ERICH3: variants seen among roughly 807,000 people sequenced by gnomAD.
ERICH3 encodes glutamate rich 3, also known as glutamate-rich protein 3.
Under a neutral mutation model 131.1 loss-of-function variants are expected in ERICH3, and 126 were observed. That is an observed-to-expected ratio of 0.96 (90% CI 0.83 to 1.11). The LOEUF (loss-of-function observed/expected upper bound fraction) is 1.11. Ranked by LOEUF, ERICH3 falls within the 50% of genes most tolerant of loss-of-function variation. The pLI, the probability that ERICH3 is intolerant of heterozygous loss-of-function variation, is 0.00. For synonymous variants in ERICH3, 695 were observed against 644.6 expected, an observed-to-expected ratio of 1.08 and a Z score of -1.18; for missense variants, 2,050 against 1,810.7, an observed-to-expected ratio of 1.13 and a Z score of -2.40.
chr1:74,612,510 G>T (rs1648743777), intron 9 of ERICH3, 113 bp downstream of exon 9: 4 of 873,578 alleles, frequency 4.6e-6, no homozygotes, highest in Admixed American at 6.4e-5. Context: ...GATATTGTAG[G>T]CCCATCTATA....
chr1:74,665,081 A>G (rs974206579), intron 1 of ERICH3, among the ~76,000 whole-genome samples: 1 of 152,110 alleles, frequency 6.6e-6, no homozygotes, highest in African/African-American at 2.4e-5. Flanking sequence ...AGGTGAAGGT[A>G]AAAACCCTCA....
chr1:74,641,186 T>C, intron 5 of ERICH3, 145 bp downstream of exon 5: 1 of 914,374 alleles, frequency 1.1e-6, no homozygotes. Flanking sequence ...AGAGACAGAG[T>C]TGAACAGATA....
At chr1:74,652,870 G>T (rs1488527264) in intron 1 of ERICH3, among the ~76,000 whole-genome samples, 1 of 152,058 alleles carries the variant, frequency 6.6e-6, no homozygotes, top group Non-Finnish European at 1.5e-5. Flanking sequence ...CCATCCCCTG[G>T]TCACTAGGTG....
chr1:74,631,044 C>T (rs1052106294), intron 7 of ERICH3, among the ~76,000 whole-genome samples: 7 of 152,068 alleles, frequency 4.6e-5, no homozygotes, highest in African/African-American at 1.7e-4. Context: ...AATCTATGTG[C>T]ATGCTGGCAC....
intron 1 of ERICH3, among the ~76,000 whole-genome samples, chr1:74,650,869 TA>T (rs1646527706): frequency 2.7e-5 from 4 of 146,826 alleles, no homozygotes; most frequent in Admixed American, 1.4e-4. Context: ...TGTGTGTGTG[TA>T]TACTTATATA....
intron 5 of ERICH3, among the ~76,000 whole-genome samples, chr1:74,640,782 T>C (rs1222213018): frequency 2.0e-5 from 3 of 152,116 alleles, no homozygotes; most frequent in Non-Finnish European, 4.4e-5. Context: ...TGCACAGACT[T>C]TTAATAAAAG....
intron 5 of ERICH3, among the ~76,000 whole-genome samples, chr1:74,638,527 A>ATATCCGAC (rs1646410898): frequency 6.6e-6 from 1 of 152,240 alleles, no homozygotes; most frequent in African/African-American, 2.4e-5. Flanking sequence ...ATAAATTTGA[A>ATATCCGAC]TATCCGACTG....
intron 12 of ERICH3, chr1:74,586,253 T>C: frequency 3.4e-6 from 1 of 294,614 alleles, no homozygotes; most frequent in Non-Finnish European, 5.0e-6. Context: ...CAAGATACAG[T>C]GTTAAGTGAA....
At chr1:74,605,724 A>G (rs1648354997) in intron 10 of ERICH3, among the ~76,000 whole-genome samples, 2 of 151,708 alleles carry the variant, frequency 1.3e-5, no homozygotes, top group South Asian at 2.1e-4. Flanking sequence ...ATGGCACCCC[A>G]AAACAATTGC....
rs202127316 is a variant in ERICH3, at chr1:74,573,278, G to C, written c.2432C>G (p.Ala811Gly). 2 of 1,597,772 alleles carry C rather than the reference G, an allele frequency of 1.3e-6. No individual in the cohort carries two copies. The highest frequency in any genetic ancestry group is 2.3e-5 in the South Asian group (2 of 87,832). Residue 811 changes from alanine (A) to glycine (G), a missense_variant, in exon 14 of 15, where the codon GCG (alanine) becomes GGG (glycine). Coordinates refer to ENST00000326665, the MANE Select transcript of ERICH3 (RefSeq NM_001002912.5). ...TGGCTGCTCTGCTGTTGGCTTCCAC[G>C]CCCTCAAGGGAGCCTCATGAACAGC... The part of the protein sequence containing the change: ...AGAVHEAPLR[A>G]WKPTAEQPEL...
At chr1:74,665,637 G>A (rs1020188610) in intron 1 of ERICH3, among the ~76,000 whole-genome samples, 2 of 152,278 alleles carry the variant, frequency 1.3e-5, no homozygotes, top group East Asian at 1.9e-4. Context: ...CATGAGAGAA[G>A]AGTCTGTTTC....
chr1:74,586,888 G>A (rs762091197), intron 12 of ERICH3, among the ~76,000 whole-genome samples: 6 of 152,046 alleles, frequency 3.9e-5, no homozygotes, highest in Non-Finnish European at 8.8e-5. Context: ...TAAAGAGCCC[G>A]ACCAAATGTT....
chr1:74,641,480 A>G lies in ERICH3; in HGVS notation c.316-21T>C, dbSNP rs761133911. The stretch of plus-strand genomic sequence containing the variant: ...TCTCCCTAGAATAAGAAAGCAATTT[A>G]GCAAATAGATGCATAGTTAGTAATC... On this transcript the variant is annotated intron_variant, in intron 4 of 14. Transcript: ENST00000326665. 5 of 1,607,702 alleles carry G rather than the reference A, an allele frequency of 3.1e-6. No individual in the cohort carries two copies. In the Admixed American group the frequency reaches 6.8e-5, roughly 22 times the overall value.
intron 13 of ERICH3, among the ~76,000 whole-genome samples, chr1:74,575,750 C>G (rs1647040691): frequency 6.6e-6 from 1 of 152,118 alleles, no homozygotes; most frequent in African/African-American, 2.4e-5. Context: ...ATAAAATTGC[C>G]TAGCCACCAT....
intron 11 of ERICH3, among the ~76,000 whole-genome samples, chr1:74,592,554 A>C (rs1022808977): frequency 2.6e-5 from 4 of 152,198 alleles, no homozygotes; most frequent in African/African-American, 9.6e-5. Context: ...TCCTACTTTT[A>C]GCTCTGAGAG....
intron 14 of ERICH3, 133 bp downstream of exon 14, chr1:74,570,966 A>C: frequency 1.6e-6 from 2 of 1,221,128 alleles, no homozygotes; most frequent in Non-Finnish European, 2.2e-6. Context: ...GCTTAGGGCT[A>C]AGTGACACAG....
intron 3 of ERICH3, among the ~76,000 whole-genome samples, chr1:74,644,980 G>A (rs1646468871): frequency 1.3e-5 from 2 of 151,924 alleles, no homozygotes; most frequent in African/African-American, 4.8e-5. Flanking sequence ...GTGCAGTCTG[G>A]CCTCAGTGAG....
Position 74,572,246 on chromosome 1 carries a change from G to T in ERICH3, c.3464C>A (p.Pro1155His), listed in dbSNP as rs747419844. 4 of 1,613,896 alleles carry T rather than the reference G, an allele frequency of 2.5e-6. No individual in the cohort carries two copies. The highest frequency in any genetic ancestry group is 3.4e-6 in the Non-Finnish European group (4 of 1,180,014). Residue 1155 changes from proline (P) to histidine (H), a missense_variant, in exon 14 of 15, where the codon CCC becomes CAC. Transcript: ENST00000326665. Reference protein sequence around the residue: ...GEDSLKETVVPIFEATPGFEK... With the variant: ...GEDSLKETVVHIFEATPGFEK... ...AAATCCAGGCGTTGCTTCAAATATG[G>T]GAACCACTGTCTCTTTTAGTGAATC...
chr1:74,666,639 A>G (rs1023516892), intron 1 of ERICH3, among the ~76,000 whole-genome samples: 1 of 152,192 alleles, frequency 6.6e-6, no homozygotes, highest in Non-Finnish European at 1.5e-5. Flanking sequence ...CTTGTGTAAG[A>G]AGAGAGTGAT....
Sources: allele counts gnomAD v4.1 joint callset (sites outside exome capture counted in the v4.1 genomes callset), GRCh38; gene constraint gnomAD v4.1.1; transcripts MANE v1.5; gene names NCBI Gene and HGNC (gene_info 2026-07-23, HGNC 2026-07-21).